SKA1: variants seen among roughly 807,000 people sequenced by gnomAD.
SKA1 encodes SKA complex subunit 1.
A neutral mutation model predicts 31.8 loss-of-function variants in SKA1; 20 were observed. The observed-to-expected ratio is 0.63, with a 90% CI of 0.44 to 0.91. The LOEUF (loss-of-function observed/expected upper bound fraction) is 0.91. SKA1 is among the 40% of genes least tolerant of loss of function. The pLI is 0.00. For synonymous variants in SKA1, 88 were observed against 100.5 expected, an observed-to-expected ratio of 0.88 and a Z score of 0.74; for missense variants, 253 against 298.2, an observed-to-expected ratio of 0.85 and a Z score of 1.12.
In SKA1 at chr18:50,380,259, T is replaced by C; in HGVS notation, c.213+9T>C. On this transcript the variant is annotated intron_variant, in intron 3 of 6. Coordinates refer to ENST00000285116, the MANE Select transcript of SKA1 (RefSeq NM_145060.4). ...CCAACAATTCACTCAAGGTAATGTT[T>C]CTCTAATGAGGAAGCAGTAAAAAAG... is the stretch of plus-strand genomic sequence containing the variant. 1 of 1,541,690 alleles carries C rather than the reference T, an allele frequency of 6.5e-7. No homozygotes were observed. Among genetic ancestry groups the C allele is most frequent in the Non-Finnish European group, 8.7e-7 (1 of 1,154,964 alleles).
At chr18:50,376,100 T>C (rs2041213197) in intron 2 of SKA1, among the ~76,000 whole-genome samples, 182 bp downstream of exon 2, 1 of 152,196 alleles carries the variant, frequency 6.6e-6, no homozygotes, top group Non-Finnish European at 1.5e-5. Flanking sequence ...AAATGTAAGG[T>C]ACATTGAACA....
In SKA1 at chr18:50,392,226, T is replaced by A. The variant is rs747208929; in HGVS notation, c.747T>A (p.Leu249=). 1 of 1,594,932 alleles carries A rather than the reference T, an allele frequency of 6.3e-7. No individual in the cohort carries two copies. The highest frequency in any genetic ancestry group is 8.5e-7 in the Non-Finnish European group (1 of 1,174,384). ...RRLSEVRGGG[L]TRYVIT ...TATCAGAGGTCCGAGGGGGAGGACT[T>A]ACTCGTTATGTTATAACCTGAGTCC... The change falls in exon 7 of 7, where the codon CTT becomes CTA. Residue 249 remains leucine, a synonymous_variant. Transcript: ENST00000285116.
rs191207799 is a variant in SKA1 at position 50,383,668 on chromosome 18, A to C, written c.311+1442A>C. On this transcript the variant is annotated intron_variant, in intron 4 of 6. Transcript: ENST00000285116. ...GTAAGAATTTGATCAGGGGAATAGG[A>C]GGAATTTTCTTCTAAGCTGACTATG... Among the ~76,000 whole-genome samples, 10 of 152,324 alleles carry C rather than the reference A, an allele frequency of 6.6e-5. No homozygotes were observed. The East Asian group carries it at 1.9e-3, about 29-fold the overall frequency.
At position 50,375,746 on chromosome 18, in the gene SKA1, T is replaced by C. The variant is rs1318507547; in HGVS notation, c.-11-74T>C. 7.8e-6 allele frequency: 7 copies of C among 899,204 alleles called. No homozygotes were observed. In the African/African-American group the frequency reaches 1.2e-4, roughly 15 times the overall value. 55.7% of individuals were successfully genotyped at this position (899,204 alleles called of 1,614,324 possible). On this transcript the variant is annotated intron_variant, in intron 1 of 6. Transcript: ENST00000285116. ...ATGTGATTTACTTGACATTGACCAT[T>C]CTTGGATTTCGAAAGTGAACAGAAA...
Position 50,388,873 on chromosome 18 carries a change from A to C in SKA1, c.450-2251A>C, listed in dbSNP as rs146631484. Among the ~76,000 whole-genome samples, 5 of 152,144 alleles carry C rather than the reference A, an allele frequency of 3.3e-5. No individual in the cohort carries two copies. The East Asian group carries it at 9.7e-4, about 29-fold the overall frequency. ...TCCTGGAAGTAAAACTCATGGAAGT[A>C]TGGGGGGGCTCCCTAAACTGGATCC... On this transcript the variant is annotated intron_variant, in intron 5 of 6. Transcript: ENST00000285116.
At chr18:50,384,872 A>AAAAAAAAAAAAAAAAAAATT (rs2041293255) in intron 4 of SKA1, among the ~76,000 whole-genome samples, 1 of 68,790 alleles carries the variant, frequency 1.5e-5, no homozygotes, top group Non-Finnish European at 2.6e-5. Flanking sequence ...AAAAAAAATT[A>AAAAAAAAAAAAAAAAAAATT]AAAAAAAAAA....
intron 5 of SKA1, among the ~76,000 whole-genome samples, chr18:50,389,326 A>T (rs1262658055): frequency 2.4e-5 from 3 of 123,088 alleles, no homozygotes; most frequent in African/African-American, 9.9e-5. Context: ...ATTGCTCTTT[A>T]GTCTTTTTCT....
At chr18:50,381,048 A>G (rs12326931) in intron 3 of SKA1, among the ~76,000 whole-genome samples, 5,421 of 152,316 alleles carry the variant, frequency 0.036, 338 homozygotes, top group African/African-American at 0.12. Flanking sequence ...TCACCTCTTC[A>G]AGGAAAAGAC....
chr18:50,375,834 G>C lies in SKA1; in HGVS notation c.4G>C (p.Ala2Pro). 6.2e-7 allele frequency: 1 copy of C among 1,600,040 alleles called. No individual in the cohort carries two copies. Among genetic ancestry groups the C allele is most frequent in the Non-Finnish European group, 8.5e-7 (1 of 1,173,646 alleles). M[A>P]SSDLEQLCSH... The stretch of plus-strand genomic sequence containing the variant: ...TTTTTCTTCAGAGGCTTAAAGGATG[G>C]CCTCGTCAGATCTGGAACAATTATG... Residue 2 changes from alanine (A) to proline (P), a missense_variant, in exon 2 of 7, where the codon GCC becomes CCC. By Grantham distance (27) the Ala-to-Pro change is conservative. Transcript: ENST00000285116.
chr18:50,381,722 G>GTTTTTTTTTTTTTT (rs1568328805), intron 3 of SKA1, among the ~76,000 whole-genome samples: 1 of 125,884 alleles, frequency 7.9e-6, no homozygotes, highest in Non-Finnish European at 1.6e-5. Flanking sequence ...CAGTCAATGT[G>GTTTTTTTTTTTTTT]GTTTTTTTTT....
At chr18:50,388,212 A>G (rs1339109000) in intron 5 of SKA1, among the ~76,000 whole-genome samples, 4 of 152,068 alleles carry the variant, frequency 2.6e-5, no homozygotes, top group Admixed American at 2.0e-4. Flanking sequence ...CTCAGCCTCC[A>G]GAGTAGCTAG....
At chr18:50,385,188 T>G in intron 4 of SKA1, 28 bp from the exon 5 acceptor site, 1 of 1,545,988 alleles carries the variant, frequency 6.5e-7, no homozygotes, top group Non-Finnish European at 8.7e-7. Context: ...GAAAATTGCC[T>G]GTATGTATGT....
intron 3 of SKA1, 92 bp downstream of exon 3, chr18:50,380,342 T>C (rs189814038): frequency 1.5e-6 from 2 of 1,337,354 alleles, no homozygotes; most frequent in African/African-American, 3.1e-5. Context: ...TTGTTTATAA[T>C]GTTTTTTGTT....
At chr18:50,379,853 C>T (rs556558780) in intron 2 of SKA1, among the ~76,000 whole-genome samples, 6 of 152,274 alleles carry the variant, frequency 3.9e-5, no homozygotes, top group Admixed American at 1.3e-4. Context: ...TGTTTTACCT[C>T]GCATTTCTAA....
At chr18:50,384,871 TAAAAAAAAAAAA>T (rs10608403) in intron 4 of SKA1, among the ~76,000 whole-genome samples, 4 of 82,600 alleles carry the variant, frequency 4.8e-5, no homozygotes, top group African/African-American at 2.2e-4. Context: ...AAAAAAAAAT[TAAAAAAAAAAAA>T]AAAAAAAGGA....
chr18:50,376,518 T>C (rs943432730), intron 2 of SKA1, among the ~76,000 whole-genome samples: 5 of 148,396 alleles, frequency 3.4e-5, no homozygotes, highest in African/African-American at 7.5e-5. Flanking sequence ...CCACTTACCA[T>C]TGATGGAGCT....
intron 5 of SKA1, among the ~76,000 whole-genome samples, chr18:50,388,641 AATC>A (rs2041330584): frequency 6.6e-6 from 1 of 152,144 alleles, no homozygotes; most frequent in African/African-American, 2.4e-5. Context: ...ACGGGGCTGA[AATC>A]ATCTAACTAC....
Position 50,392,357 on chromosome 18 carries a change from T to C in SKA1, c.*110T>C. 1 of 746,192 alleles carries C rather than the reference T, an allele frequency of 1.3e-6. No homozygotes were observed. The highest frequency in any genetic ancestry group is 1.8e-6 in the Non-Finnish European group (1 of 545,202). The allele number at this position is 746,192 out of a possible 1,614,324, so 46.2% of individuals were successfully genotyped here. On this transcript the variant is annotated 3_prime_UTR_variant, in exon 7 of 7. Transcript: ENST00000285116. The stretch of plus-strand genomic sequence containing the variant: ...CTTTTAATCTTTTTTGTTTCCTTTT[T>C]TTTTTTTTTGAGACAGGATCTTGCT...
intron 3 of SKA1, 128 bp downstream of exon 3, chr18:50,380,378 C>A: frequency 9.9e-7 from 1 of 1,015,060 alleles, no homozygotes; most frequent in Non-Finnish European, 1.3e-6. Context: ...GTACAGTATG[C>A]CATTTATGTT....
Sources: gnomAD v4.1 joint callset for allele counts (sites outside exome capture counted in the v4.1 genomes callset) on GRCh38, gnomAD v4.1.1 for gene constraint, MANE v1.5 for transcripts, NCBI Gene and HGNC (gene_info 2026-07-23, HGNC 2026-07-21) for gene names.